CLIC5: variants seen among roughly 807,000 people sequenced by gnomAD.
CLIC5 encodes CLIC family member 5.
Under a neutral mutation model 24.7 loss-of-function variants are expected in CLIC5, and 20 were observed. The observed-to-expected ratio is 0.81, with a 90% CI of 0.57 to 1.18. The LOEUF is 1.18. Among genes scored for constraint, CLIC5 ranks in the 50% most tolerant of loss-of-function variants. CLIC5 has a pLI of 0.00. For synonymous variants in CLIC5, 159 were observed against 135.6 expected (o/e 1.17, Z -1.20); for missense variants, 341 against 326.1 (o/e 1.05, Z -0.35).
intron 5 of CLIC5, chr6:45,911,487 A>T: frequency 1.8e-6 from 1 of 541,652 alleles, no homozygotes; most frequent in Non-Finnish European, 2.4e-6. Context: ...CTAAGAGCAA[A>T]TTCATGCAGG....
chr6:46,006,987 T>A (rs769017918), intron 1 of CLIC5, among the ~76,000 whole-genome samples: 147 of 152,188 alleles, frequency 9.7e-4, no homozygotes, highest in Non-Finnish European at 1.9e-3. Context: ...AGACATTTTT[T>A]AAAGCAAGTC....
rs1009078481 is a variant in CLIC5, at chr6:45,902,945, T to C, written c.*143A>G. ...CTGACCTTCATGAAAGATAGCAGGC[T>C]GGAGTTCCCATGATACCAGCAAGAT... is the stretch of plus-strand genomic sequence containing the variant. On this transcript the variant is annotated 3_prime_UTR_variant, in exon 6 of 6. Coordinates refer to ENST00000339561, the MANE Select transcript of CLIC5 (RefSeq NM_016929.5). 2 of 842,120 alleles carry C rather than the reference T, an allele frequency of 2.4e-6. No individual in the cohort carries two copies. Among genetic ancestry groups the C allele is most frequent in the Admixed American group, 4.7e-5 (2 of 42,962 alleles). The allele number at this position is 842,120 out of a possible 1,614,324, so 52.2% of individuals were successfully genotyped here. A position where few individuals can be genotyped will look rare whatever the true frequency, so the allele number is the denominator to read the frequency against.
intron 1 of CLIC5, among the ~76,000 whole-genome samples, chr6:46,023,730 C>T (rs146195012): frequency 1.2e-3 from 183 of 152,226 alleles, no homozygotes; most frequent in African/African-American, 3.9e-3. Context: ...GTTGCATCAC[C>T]GTGCATTTTT....
chr6:45,918,529 AG>A lies in CLIC5; in HGVS notation c.407-4121del, dbSNP rs1763118837. ...TCACATGGAGAGGAGCAGATATCAAAGGTGGTCTTTGAAAGAATGAGAACAG... is the reference window on the plus strand; with the variant it reads ...TCACATGGAGAGGAGCAGATATCAAAGTGGTCTTTGAAAGAATGAGAACAG... On this transcript the variant is annotated intron_variant, in intron 4 of 5. Transcript: ENST00000339561. 2.0e-5 allele frequency among the ~76,000 whole-genome samples: 3 copies of A among 152,236 alleles called. No individual in the cohort carries two copies. The South Asian group carries it at 6.2e-4, about 32-fold the overall frequency.
At chr6:45,976,442 C>A (rs1350131495) in intron 1 of CLIC5, among the ~76,000 whole-genome samples, 1 of 152,076 alleles carries the variant, frequency 6.6e-6, no homozygotes, top group African/African-American at 2.4e-5. Flanking sequence ...GGGAAGGTCC[C>A]TGGAAAACTG....
At chr6:46,097,155 G>A in the CLIC5 span, 5 of 152,200 alleles carry the variant, frequency 3.3e-5, no homozygotes, top group African/African-American at 1.2e-4. Flanking sequence ...TGGAGGTGAA[G>A]AGTACTGATG....
chr6:46,029,346 T>A (rs995986119), intron 1 of CLIC5, among the ~76,000 whole-genome samples: 1 of 152,144 alleles, frequency 6.6e-6, no homozygotes, highest in African/African-American at 2.4e-5. Context: ...TTTCCGAAAT[T>A]ATTATCTTAT....
At chr6:46,076,501 G>C (rs1306040960) in intron 1 of CLIC5, among the ~76,000 whole-genome samples, 2 of 152,184 alleles carry the variant, frequency 1.3e-5, no homozygotes, top group African/African-American at 4.8e-5. Flanking sequence ...GAAACAGGGC[G>C]AGAAGAGGTG....
chr6:45,979,970 T>TC (rs1765515127), intron 1 of CLIC5, among the ~76,000 whole-genome samples: 1 of 148,910 alleles, frequency 6.7e-6, no homozygotes, highest in South Asian at 2.2e-4. Flanking sequence ...TTTTTTTTTT[T>TC]GCCAAGGTTG....
the CLIC5 span, among the ~76,000 whole-genome samples, chr6:46,094,775 T>C: frequency 6.6e-6 from 1 of 152,112 alleles, no homozygotes; most frequent in African/African-American, 2.4e-5. Flanking sequence ...ATTCTGGGGT[T>C]TGGAGGACAG....
intron 6 of CLIC5, among the ~76,000 whole-genome samples, chr6:45,886,763 G>T (rs570122423): frequency 6.6e-6 from 1 of 152,282 alleles, no homozygotes; most frequent in East Asian, 1.9e-4. Context: ...TGATGTGTTT[G>T]CCTCCTTGTG....
intron 1 of CLIC5, among the ~76,000 whole-genome samples, chr6:46,077,275 G>C (rs376469789): frequency 6.6e-6 from 1 of 152,056 alleles, no homozygotes; most frequent in Admixed American, 6.6e-5. Context: ...TTACAAACCT[G>C]CATGACATTC....
At chr6:45,895,434 A>AT, downstream of CLIC5, among the ~76,000 whole-genome samples, 1 of 152,298 alleles carries the variant, frequency 6.6e-6, no homozygotes, top group East Asian at 1.9e-4. Flanking sequence ...TTTTAGAAGG[A>AT]TTCGTTCTTC....
At chr6:45,881,096 T>A (rs1762259282) in exon 7 of CLIC5, 1 of 398,216 alleles carries the variant, frequency 2.5e-6, no homozygotes, top group African/African-American at 2.1e-5. Flanking sequence ...GTAGAAAGAA[T>A]CCCATTTTTT....
intron 1 of CLIC5, among the ~76,000 whole-genome samples, chr6:45,983,200 C>G (rs1450866769): frequency 1.3e-5 from 2 of 152,176 alleles, no homozygotes; most frequent in Non-Finnish European, 2.9e-5. Context: ...CTCACCTGAT[C>G]TAAAGTTCAT....
rs76991950 is a variant in CLIC5, at chr6:45,968,902, C to T, written c.64-13658G>A. ...AAAAAGCAGAAGATTAAGAGTTCTG[C>T]GTTCCAGACCTAGTTTTGGCACAAA... On this transcript the variant is annotated intron_variant, in intron 1 of 5. Coordinates refer to ENST00000339561, the MANE Select transcript of CLIC5 (RefSeq NM_016929.5). Among the ~76,000 whole-genome samples the T allele has an allele frequency of 1.5e-3, 231 of 152,248 alleles. 2 individuals are homozygous for T. In the East Asian group the frequency reaches 0.03, roughly 20 times the overall value.
chr6:46,114,070 A>C, the CLIC5 span, among the ~76,000 whole-genome samples: 4 of 152,206 alleles, frequency 2.6e-5, no homozygotes, highest in African/African-American at 7.2e-5. Flanking sequence ...GTTTATTTAA[A>C]GAGACATTAC....
the CLIC5 span, among the ~76,000 whole-genome samples, chr6:46,089,685 T>C: frequency 2.6e-5 from 4 of 152,166 alleles, no homozygotes; most frequent in Admixed American, 1.3e-4. Flanking sequence ...CAGTGACTGT[T>C]TCCTCCCCTT....
the CLIC5 span, among the ~76,000 whole-genome samples, chr6:46,091,236 A>G: frequency 1.3e-5 from 2 of 152,122 alleles, no homozygotes; most frequent in African/African-American, 4.8e-5. Flanking sequence ...TGCATCTTTG[A>G]CCAACATCTC....
Sources: gnomAD v4.1 joint callset for allele counts (sites outside exome capture counted in the v4.1 genomes callset) on GRCh38, gnomAD v4.1.1 for gene constraint, MANE v1.5 for transcripts, NCBI Gene and HGNC (gene_info 2026-07-23, HGNC 2026-07-21) for gene names.